ANK3: variants seen among roughly 807,000 people sequenced by gnomAD.
The protein encoded by ANK3 is ankyrin-3.
Under a neutral mutation model 370.9 loss-of-function variants are expected in ANK3, and 57 were observed. That is an observed-to-expected ratio of 0.15 (90% CI 0.12 to 0.19). The LOEUF (loss-of-function observed/expected upper bound fraction) is 0.19, where lower values mean the gene tolerates loss of function less well. Ranked by LOEUF, ANK3 falls within the 10% of genes least tolerant of loss-of-function variation. The pLI is 1.00. For synonymous variants in ANK3, 1,929 were observed against 1,946.3 expected, an observed-to-expected ratio of 0.99 and a Z score of 0.23; for missense variants, 4,439 against 5,302.1, an observed-to-expected ratio of 0.84 and a Z score of 5.06.
At chr10:60,155,501 C>G (rs1387246363) in intron 23 of ANK3, among the ~76,000 whole-genome samples, 6 of 152,096 alleles carry the variant, frequency 3.9e-5, no homozygotes. Flanking sequence ...CAATCAGGAC[C>G]CAAGGAGTGC....
intron 2 of ANK3, among the ~76,000 whole-genome samples, chr10:60,426,605 G>A (rs555390885): frequency 1.3e-5 from 2 of 152,142 alleles, no homozygotes; most frequent in African/African-American, 4.8e-5. Flanking sequence ...AGTTCCACAG[G>A]GATGTTGAAG....
At chr10:60,064,489 T>C (rs1263274544) in intron 38 of ANK3, among the ~76,000 whole-genome samples, 1 of 152,110 alleles carries the variant, frequency 6.6e-6, no homozygotes, top group Non-Finnish European at 1.5e-5. Context: ...TCTCCTTAGG[T>C]AATGACTTAC....
At position 60,566,396 on chromosome 10, in the gene ANK3, G is replaced by A. The variant is rs61552564; in HGVS notation, c.96+48790C>T. Among the ~76,000 whole-genome samples the A allele has an allele frequency of 1.8e-3, 268 of 152,308 alleles. 11 individuals are homozygous for A. In the East Asian group the frequency reaches 0.048, roughly 27 times the overall value. On this transcript the variant is annotated intron_variant, in intron 2 of 43. Transcript: ENST00000373827. Reference sequence around the variant, plus strand: ...CAAATGATTAAGCTTAGTGAGGAAGGCATGCTAAAAGCTGAGACAGACCAA... The same window carrying A: ...CAAATGATTAAGCTTAGTGAGGAAGACATGCTAAAAGCTGAGACAGACCAA...
chr10:60,433,137 A>T (rs982693150), intron 2 of ANK3, among the ~76,000 whole-genome samples: 5 of 143,794 alleles, frequency 3.5e-5, no homozygotes, highest in Non-Finnish European at 7.8e-5. Flanking sequence ...CAACAAAAAG[A>T]CATACAAAGA....
At chr10:60,501,718 A>AG (rs1056439935) in intron 2 of ANK3, among the ~76,000 whole-genome samples, 10 of 151,904 alleles carry the variant, frequency 6.6e-5, no homozygotes, top group African/African-American at 2.2e-4. Context: ...AAAAAAAAAA[A>AG]AAAAAGAAAA....
chr10:60,462,761 A>G (rs968848873), intron 2 of ANK3, among the ~76,000 whole-genome samples: 3 of 151,938 alleles, frequency 2.0e-5, no homozygotes, highest in African/African-American at 4.8e-5. Context: ...TTCCAACTTA[A>G]TTGGCTGGAG....
intron 1 of ANK3, among the ~76,000 whole-genome samples, chr10:60,651,829 G>A (rs2078792711): frequency 6.6e-6 from 1 of 152,032 alleles, no homozygotes; most frequent in African/African-American, 2.4e-5. Context: ...CTAATTAAAG[G>A]TACCCAACTG....
chr10:60,268,683 C>A (rs531760628), intron 5 of ANK3, among the ~76,000 whole-genome samples: 75 of 151,912 alleles, frequency 4.9e-4, no homozygotes, highest in African/African-American at 1.8e-3. Context: ...AGAAGTGCAG[C>A]TGCTAAGTAA....
intron 23 of ANK3, chr10:60,139,458 G>A (rs1404774345): frequency 5.4e-6 from 1 of 184,090 alleles, no homozygotes; most frequent in African/African-American, 2.3e-5. Flanking sequence ...AATGGACATG[G>A]ATTACAAAAT....
In ANK3 at chr10:60,130,560, C is replaced by T. The variant is rs193208937; in HGVS notation, c.2841+3711G>A. Among the ~76,000 whole-genome samples, 181 of 152,216 alleles carry T rather than the reference C, an allele frequency of 1.2e-3. 1 individual carries two copies. Among genetic ancestry groups the T allele is most frequent in the African/African-American group, 3.6e-3 (151 of 41,536 alleles). On this transcript the variant is annotated intron_variant, in intron 25 of 43. Transcript: ENST00000280772. The stretch of plus-strand genomic sequence containing the variant: ...TACTGAAAACTTCTTTCACGCTTTC[C>T]AACAAAATTATTACTGTGGAAGAGC...
chr10:60,490,583 T>C (rs1390186058), intron 2 of ANK3, among the ~76,000 whole-genome samples: 1 of 152,180 alleles, frequency 6.6e-6, no homozygotes, highest in Admixed American at 6.5e-5. Context: ...AGCTAGTCCC[T>C]CCACCTGTGC....
At chr10:60,034,663 CTTT>C (rs1241318674) in intron 43 of ANK3, among the ~76,000 whole-genome samples, 1 of 152,108 alleles carries the variant, frequency 6.6e-6, no homozygotes, top group Non-Finnish European at 1.5e-5. Flanking sequence ...TGAAATCCAC[CTTT>C]GTAGTTCAAC....
rs143420232 is a variant in ANK3, at chr10:60,616,743, A to C, written c.58-1519T>G. Among the ~76,000 whole-genome samples, 1,146 of 152,274 alleles carry C rather than the reference A, an allele frequency of 7.5e-3. 5 individuals carry two copies. Among genetic ancestry groups the C allele is most frequent in the Non-Finnish European group, 0.011 (750 of 68,006 alleles). Reference sequence around the variant, plus strand: ...TGAAGAAAAGGAACAAACTTTTTTCATGGCACTTGCGTATCATGTGCCCAC... The same window carrying C: ...TGAAGAAAAGGAACAAACTTTTTTCCTGGCACTTGCGTATCATGTGCCCAC... On this transcript the variant is annotated intron_variant, in intron 1 of 43. Coordinates refer to the ANK3 transcript ENST00000373827.
chr10:60,111,944 T>C (rs1341059976), intron 26 of ANK3, among the ~76,000 whole-genome samples: 1 of 152,198 alleles, frequency 6.6e-6, no homozygotes, highest in African/African-American at 2.4e-5. Context: ...CTGCATAAAC[T>C]GCAAGGACCT....
intron 2 of ANK3, among the ~76,000 whole-genome samples, chr10:60,409,263 C>A (rs1032074437): frequency 6.6e-6 from 1 of 152,154 alleles, no homozygotes; most frequent in East Asian, 1.9e-4. Context: ...AAACCAAAAG[C>A]AAATTTCCCA....
intron 5 of ANK3, among the ~76,000 whole-genome samples, chr10:60,267,960 T>C (rs971105278): frequency 4.6e-5 from 7 of 152,194 alleles, no homozygotes; most frequent in African/African-American, 1.4e-4. Context: ...TAGCTACTCT[T>C]GAGTGTGAAG....
intron 42 of ANK3, chr10:60,043,384 T>C: frequency 1.0e-6 from 1 of 984,006 alleles, no homozygotes; most frequent in Non-Finnish European, 1.2e-6. Context: ...AATTTTCAGT[T>C]TACTTTTTCT....
chr10:60,438,757 C>T (rs769281058), intron 2 of ANK3, among the ~76,000 whole-genome samples: 2 of 152,162 alleles, frequency 1.3e-5, no homozygotes, highest in Non-Finnish European at 2.9e-5. Flanking sequence ...CTATAATTTA[C>T]CATAAGGGAA....
intron 5 of ANK3, among the ~76,000 whole-genome samples, chr10:60,264,728 T>G (rs982959211): frequency 3.9e-5 from 6 of 152,192 alleles, no homozygotes; most frequent in Admixed American, 3.3e-4. Flanking sequence ...TTCCACTGAT[T>G]TTTAAAAACT....
Sources: gnomAD v4.1 joint callset for allele counts (sites outside exome capture counted in the v4.1 genomes callset) on GRCh38, gnomAD v4.1.1 for gene constraint, MANE v1.5 for transcripts, NCBI Gene and HGNC (gene_info 2026-07-23, HGNC 2026-07-21) for gene names.